The following SIRPG variants were observed in gnomAD, a reference collection of about 807,000 sequenced individuals.
SIRPG encodes the protein signal regulatory protein gamma.
A neutral mutation model predicts 35.7 loss-of-function variants in SIRPG; 38 were observed. That is an observed-to-expected ratio of 1.06 (90% CI 0.82 to 1.40). SIRPG has a LOEUF of 1.40. Ranked by LOEUF, SIRPG falls within the 40% of genes most tolerant of loss-of-function variation. SIRPG has a pLI of 0.00. For synonymous variants in SIRPG, 215 were observed against 190.4 expected (o/e 1.13, Z -1.06); for missense variants, 519 against 483.0 (o/e 1.07, Z -0.70).
intron 2 of SIRPG, chr20:1,648,428 G>A (rs899275352): frequency 1.3e-5 from 2 of 152,150 alleles, no homozygotes; most frequent in African/African-American, 4.8e-5. Context: ...TTCCCTGTGT[G>A]ATGTTTCTGA....
intron 2 of SIRPG, among the ~76,000 whole-genome samples, chr20:1,642,643 G>C (rs1217718204): frequency 6.6e-6 from 1 of 152,164 alleles, no homozygotes; most frequent in Non-Finnish European, 1.5e-5. Flanking sequence ...CACACCAGTT[G>C]ATGCGGTTTC....
the SIRPG span, among the ~76,000 whole-genome samples, chr20:1,676,171 C>T: frequency 1.3e-5 from 2 of 152,074 alleles, no homozygotes; most frequent in Non-Finnish European, 2.9e-5. Context: ...GGATAAAGCC[C>T]CCTTCTCCAT....
intron 2 of SIRPG, chr20:1,647,750 C>T (rs12625449): frequency 0.24 from 37,078 of 152,102 alleles, 5,274 homozygotes; most frequent in East Asian, 0.62. Context: ...CGTGGAATCT[C>T]GATACGGAAT....
upstream of SIRPG, among the ~76,000 whole-genome samples, chr20:1,659,620 TC>T (rs1861286422): frequency 6.6e-6 from 1 of 152,226 alleles, no homozygotes; most frequent in Non-Finnish European, 1.5e-5. Context: ...TAACCTCCTT[TC>T]ACAGGTGAGA....
chr20:1,649,113 T>A lies in SIRPG; in HGVS notation c.369A>T (p.Arg123=). The change falls in exon 2 of 6, where the codon CGA becomes CGT. Residue 123 remains arginine (R), a synonymous_variant. Coordinates refer to ENST00000303415, the MANE Select transcript of SIRPG (RefSeq NM_018556.4). ...ACTCCACGTTCTCAGGGCTCCCTTT[T>A]CGAAACTTCACACAGTAGTATGTGC... The part of the protein sequence containing the change: ...DVGTYYCVKF[R]KGSPENVEFK... The A allele has an allele frequency of 1.2e-6, 2 of 1,613,936 alleles. No individual in the cohort carries two copies. The highest frequency in any genetic ancestry group is 1.7e-6 in the Non-Finnish European group (2 of 1,179,876).
the SIRPG span, among the ~76,000 whole-genome samples, chr20:1,663,992 G>A: frequency 6.6e-6 from 1 of 152,226 alleles, no homozygotes; most frequent in Admixed American, 6.5e-5. Flanking sequence ...ATCTGCTTCT[G>A]ATGAGGCCCT....
In SIRPG at chr20:1,636,301, C is replaced by T. The variant is rs2091800992; in HGVS notation, c.635G>A (p.Arg212Lys). The T allele has an allele frequency of 6.2e-7, 1 of 1,614,246 alleles. No individual in the cohort carries two copies. Among genetic ancestry groups the T allele is most frequent in the Non-Finnish European group, 8.5e-7 (1 of 1,180,042 alleles). ...SVAYSIRSTA[R>K]VVLDPWDVRS... ...AACGTCCCAGGGGTCCAGTACCACC[C>T]TGGCTGTGCTGCGGATGCTGTAGGC... The change falls in exon 3 of 6, where the codon AGG becomes AAG. Residue 212 changes from arginine (R) to lysine (K), a missense_variant. Transcript: ENST00000303415.
chr20:1,648,983 GAATGGAAGGTGTT>G, intron 2 of SIRPG, 56 bp downstream of exon 2: 1 of 1,347,262 alleles, frequency 7.4e-7, no homozygotes, highest in South Asian at 1.3e-5. Flanking sequence ...GTTGCTCAAA[GAATGGAAGGTGTT>G]ACTATTGAGT....
Position 1,639,700 on chromosome 20 carries a change from C to G in SIRPG, c.431-3195G>C, listed in dbSNP as rs190430422. 8.5e-5 allele frequency among the ~76,000 whole-genome samples: 13 copies of G among 152,270 alleles called. 1 individual carries two copies. In the East Asian group the frequency reaches 2.5e-3, roughly 29 times the overall value. ...TTTCGTCATGAAGTCTTTGCCCATG[C>G]CTATGCCTGAATGGTATTGCCTAGG... On this transcript the variant is annotated intron_variant, in intron 2 of 5. Coordinates refer to ENST00000303415, the MANE Select transcript of SIRPG (RefSeq NM_018556.4).
chr20:1,674,625 C>A, the SIRPG span, among the ~76,000 whole-genome samples: 28 of 152,282 alleles, frequency 1.8e-4, no homozygotes, highest in Admixed American at 3.3e-4. Context: ...CTGAACAACA[C>A]CACCATTCAG....
chr20:1,661,056 C>G (rs1340845048), upstream of SIRPG, among the ~76,000 whole-genome samples: 1 of 152,072 alleles, frequency 6.6e-6, no homozygotes, highest in Non-Finnish European at 1.5e-5. Flanking sequence ...ACTATCTGAC[C>G]ATGTCCTCCA....
At chr20:1,649,523 G>T in intron 1 of SIRPG, 115 bp from the exon 2 acceptor site, 2 of 885,258 alleles carry the variant, frequency 2.3e-6, no homozygotes, top group Admixed American at 2.3e-5. Context: ...AGCAGGACTT[G>T]ATCTCAGCAC....
chr20:1,668,499 G>A, the SIRPG span, among the ~76,000 whole-genome samples: 1 of 151,978 alleles, frequency 6.6e-6, no homozygotes, highest in Non-Finnish European at 1.5e-5. Flanking sequence ...GGCCAGGCTG[G>A]TCTCAATCTC....
the SIRPG span, among the ~76,000 whole-genome samples, chr20:1,672,661 C>T: frequency 6.6e-6 from 1 of 152,232 alleles, no homozygotes. Context: ...CTATTCAGCA[C>T]TTCTCTGACT....
chr20:1,635,505 T>C lies in SIRPG; in HGVS notation c.843A>G (p.Leu281=), dbSNP rs1488118580. 6.2e-7 allele frequency: 1 copy of C among 1,614,092 alleles called. No homozygotes were observed. Among genetic ancestry groups the C allele is most frequent in the Non-Finnish European group, 8.5e-7 (1 of 1,179,950 alleles). ...TTCCATTCTCCGACCAGGTCAGCTGTAGGCTCTGGGGGTAGAACTTCCTCA... is the reference window on the plus strand; with the variant it reads ...TTCCATTCTCCGACCAGGTCAGCTGCAGGCTCTGGGGGTAGAACTTCCTCA... ...CQVRKFYPQS[L]QLTWSENGNV... is the part of the protein sequence containing the mutation. Residue 281 remains leucine, a synonymous_variant, in exon 4 of 6, where the codon CTA becomes CTG. Transcript: ENST00000303415.
At chr20:1,638,709 A>G (rs1404248712) in intron 2 of SIRPG, among the ~76,000 whole-genome samples, 1 of 152,008 alleles carries the variant, frequency 6.6e-6, no homozygotes, top group African/African-American at 2.4e-5. Flanking sequence ...TTATCAACCC[A>G]TCATCTAGAT....
intron 1 of SIRPG, among the ~76,000 whole-genome samples, chr20:1,656,634 T>C (rs543311920): frequency 5.3e-5 from 8 of 152,230 alleles, no homozygotes; most frequent in African/African-American, 1.9e-4. Flanking sequence ...AGGCAGCCTG[T>C]CTGGGAGCTG....
At chr20:1,682,537 G>A in the SIRPG span, among the ~76,000 whole-genome samples, 1 of 151,966 alleles carries the variant, frequency 6.6e-6, no homozygotes, top group African/African-American at 2.4e-5. Context: ...ATGCCATATG[G>A]GACAACTCCA....
At chr20:1,666,650 T>C in the SIRPG span, 1 of 152,136 alleles carries the variant, frequency 6.6e-6, no homozygotes. Context: ...TTTAAGAAAG[T>C]TAAAAATAAA....
Sources: gnomAD v4.1 joint callset for allele counts (sites outside exome capture counted in the v4.1 genomes callset) on GRCh38, gnomAD v4.1.1 for gene constraint, MANE v1.5 for transcripts, NCBI Gene and HGNC (gene_info 2026-07-23, HGNC 2026-07-21) for gene names.